ADARB2: variants seen among roughly 807,000 people sequenced by gnomAD.
The protein encoded by ADARB2 is inactive double-stranded RNA-specific editase B2.
ADARB2 carries 25 observed loss-of-function variants against 62.2 expected under a neutral mutation model. The ratio of observed to expected loss-of-function variants is 0.40; its 90% CI spans 0.29 to 0.56. The LOEUF is 0.56. Among genes scored for constraint, ADARB2 ranks in the 20% least tolerant of loss-of-function variants. The pLI is 0.43. For missense variants in ADARB2, 1,071 were observed against 1,077.4 expected (o/e 0.99, Z 0.08); for synonymous variants, 572 against 500.8 (o/e 1.14, Z -1.90).
chr10:1,439,523 CGA>C (rs1830877039), intron 1 of ADARB2, among the ~76,000 whole-genome samples: 3 of 91,394 alleles, frequency 3.3e-5, no homozygotes, highest in Non-Finnish European at 6.5e-5. Flanking sequence ...AGGCCCTTCA[CGA>C]TGGGGCTCCT....
intron 5 of ADARB2, among the ~76,000 whole-genome samples, 186 bp downstream of exon 5, chr10:1,241,945 G>A (rs1830928503): frequency 6.6e-6 from 1 of 152,210 alleles, no homozygotes; most frequent in Admixed American, 6.5e-5. Context: ...TCTTCCCAGC[G>A]CACACGGCGG....
chr10:1,425,558 G>A (rs1309687166), intron 1 of ADARB2, among the ~76,000 whole-genome samples: 13 of 152,194 alleles, frequency 8.5e-5, no homozygotes, highest in Admixed American at 8.5e-4. Context: ...CACTGGGCAG[G>A]TCTCTGTGGA....
intron 1 of ADARB2, among the ~76,000 whole-genome samples, chr10:1,661,093 C>A (rs1477613821): frequency 1.3e-5 from 2 of 152,172 alleles, no homozygotes; most frequent in Non-Finnish European, 1.5e-5. Context: ...CTCCCTAAAC[C>A]CTTAAATACC....
At chr10:1,293,103 G>A (rs1320923589) in intron 3 of ADARB2, 14 of 107,626 alleles carry the variant, frequency 1.3e-4, no homozygotes, top group African/African-American at 5.2e-4. Flanking sequence ...AGGAGGGAAG[G>A]GGGGAGAGAG....
At chr10:1,595,055 C>A (rs1310201763) in intron 1 of ADARB2, among the ~76,000 whole-genome samples, 3 of 152,190 alleles carry the variant, frequency 2.0e-5, no homozygotes, top group African/African-American at 7.2e-5. Flanking sequence ...CCGCCCAGCA[C>A]AGACAATGCA....
At chr10:1,575,639 C>T (rs1020148789) in intron 1 of ADARB2, among the ~76,000 whole-genome samples, 2 of 152,212 alleles carry the variant, frequency 1.3e-5, no homozygotes, top group Non-Finnish European at 2.9e-5. Context: ...AGTCCTCAGC[C>T]TCCTCCCCAC....
chr10:1,428,153 A>T (rs1439796583), intron 1 of ADARB2, among the ~76,000 whole-genome samples: 1 of 151,570 alleles, frequency 6.6e-6, no homozygotes, highest in Non-Finnish European at 1.5e-5. Context: ...TTGTATTTTT[A>T]GTAGATATGA....
At chr10:1,560,365 T>C (rs1283520407) in intron 1 of ADARB2, among the ~76,000 whole-genome samples, 1 of 152,216 alleles carries the variant, frequency 6.6e-6, no homozygotes, top group Non-Finnish European at 1.5e-5. Context: ...ACCCATCACA[T>C]GCAGCAGAAA....
chr10:1,693,572 A>G (rs1834700339), intron 1 of ADARB2, among the ~76,000 whole-genome samples: 1 of 152,244 alleles, frequency 6.6e-6, no homozygotes, highest in East Asian at 1.9e-4. Flanking sequence ...ATTGTTTTCC[A>G]AAAGAAGTTA....
chr10:1,257,018 T>C (rs1166105243), intron 4 of ADARB2, among the ~76,000 whole-genome samples: 2 of 152,234 alleles, frequency 1.3e-5, no homozygotes, highest in African/African-American at 4.8e-5. Flanking sequence ...TAAGTGACAG[T>C]GCTTTCTTCA....
intron 6 of ADARB2, among the ~76,000 whole-genome samples, chr10:1,231,820 T>C (rs892610486): frequency 7.9e-5 from 12 of 152,030 alleles, no homozygotes; most frequent in Admixed American, 2.0e-4. Context: ...TGGAGGGAAG[T>C]CCGCAAAAAG....
At chr10:1,283,055 T>C (rs1831383574) in intron 3 of ADARB2, among the ~76,000 whole-genome samples, 1 of 152,202 alleles carries the variant, frequency 6.6e-6, no homozygotes, top group African/African-American at 2.4e-5. Context: ...TCACAGAAGG[T>C]AGACAAACCT....
chr10:1,591,352 G>C (rs906583852), intron 1 of ADARB2, among the ~76,000 whole-genome samples: 1 of 150,098 alleles, frequency 6.7e-6, no homozygotes, highest in African/African-American at 2.5e-5. Context: ...ATGCCCCTTC[G>C]TACCCCCACC....
chr10:1,476,408 G>A lies in ADARB2; in HGVS notation c.101-97248C>T, dbSNP rs117190939. 7.0e-4 allele frequency among the ~76,000 whole-genome samples: 107 copies of A among 152,314 alleles called. 1 individual carries two copies. In the East Asian group the frequency reaches 0.017, roughly 25 times the overall value. On this transcript the variant is annotated intron_variant, in intron 1 of 9. Transcript: ENST00000381312. ...AGAAGGCCACACCTGGGGCTCAGGT[G>A]GTTGCTTTCAGTGTCCTGCGTGGTG...
intron 1 of ADARB2, among the ~76,000 whole-genome samples, chr10:1,532,553 T>C (rs1015074691): frequency 1.3e-5 from 2 of 152,060 alleles, no homozygotes; most frequent in Non-Finnish European, 2.9e-5. Context: ...CGATTCCCTG[T>C]GGAGTTGGGA....
In ADARB2 at chr10:1,281,540, C is replaced by T. The variant is rs928465248; in HGVS notation, c.1078-10471G>A. Among the ~76,000 whole-genome samples, 12 of 152,352 alleles carry T rather than the reference C, an allele frequency of 7.9e-5. No individual in the cohort carries two copies. In the South Asian group the frequency reaches 1.2e-3, roughly 16 times the overall value. ...CTTGTTTCTGAGAATCTGTCCAGCTCTCGTGCAAGTCCAGCCTTGGTGAAA... is the reference window on the plus strand; with the variant it reads ...CTTGTTTCTGAGAATCTGTCCAGCTTTCGTGCAAGTCCAGCCTTGGTGAAA... On this transcript the variant is annotated intron_variant, in intron 3 of 9. Coordinates refer to ENST00000381312, the MANE Select transcript of ADARB2 (RefSeq NM_018702.4).
intron 1 of ADARB2, among the ~76,000 whole-genome samples, chr10:1,552,913 C>CTTAA (rs781043927): frequency 1.8e-3 from 164 of 89,974 alleles, no homozygotes; most frequent in Admixed American, 3.8e-3. Flanking sequence ...GAACGGAACC[C>CTTAA]TTAATTAATT....
chr10:1,546,028 A>G (rs1486056932), intron 1 of ADARB2, among the ~76,000 whole-genome samples: 2 of 151,238 alleles, frequency 1.3e-5, no homozygotes, highest in Non-Finnish European at 2.9e-5. Context: ...AAAAGAAAGC[A>G]CCAAGGAGCT....
intron 1 of ADARB2, among the ~76,000 whole-genome samples, chr10:1,580,305 T>C (rs1317802678): frequency 1.3e-5 from 2 of 152,104 alleles, no homozygotes; most frequent in Non-Finnish European, 1.5e-5. Context: ...TATTGGTCCT[T>C]CTTTGTGTTC....
Sources: allele counts gnomAD v4.1 joint callset (sites outside exome capture counted in the v4.1 genomes callset), GRCh38; gene constraint gnomAD v4.1.1; transcripts MANE v1.5; gene names NCBI Gene and HGNC (gene_info 2026-07-23, HGNC 2026-07-21).